Variants in AKAP10 observed in about 807,000 individuals in gnomAD.
AKAP10 encodes the protein A-kinase anchoring protein 10, also known as A-kinase anchor protein 10, mitochondrial.
Under a neutral mutation model 80.8 loss-of-function variants are expected in AKAP10, and 24 were observed. That is an observed-to-expected ratio of 0.30 (90% CI 0.22 to 0.42). The LOEUF is 0.42. Ranked by LOEUF, AKAP10 falls within the 10% of genes least tolerant of loss-of-function variation. The pLI is 1.00. For missense variants in AKAP10, 661 were observed against 794.9 expected (o/e 0.83, Z 2.03); for synonymous variants, 291 against 277.7 (o/e 1.05, Z -0.48).
chr17:19,924,528 A>G lies in AKAP10; in HGVS notation c.1642-11T>C, dbSNP rs2042854533. ...TTTTTTCACACTGGACTACAATAGAAATTGTAAAATTAGAAGTATATGAAA... is the reference window on the plus strand; with the variant it reads ...TTTTTTCACACTGGACTACAATAGAGATTGTAAAATTAGAAGTATATGAAA... On this transcript the variant is annotated splice_polypyrimidine_tract_variant and intron_variant, in intron 10 of 14. Transcript: ENST00000225737. The G allele has an allele frequency of 6.5e-7, 1 of 1,536,706 alleles. No homozygotes were observed. Among genetic ancestry groups the G allele is most frequent in the Non-Finnish European group, 8.9e-7 (1 of 1,120,596 alleles).
chr17:19,975,430 A>C (rs1489299500), intron 1 of AKAP10, among the ~76,000 whole-genome samples: 1 of 152,082 alleles, frequency 6.6e-6, no homozygotes, highest in Non-Finnish European at 1.5e-5. Flanking sequence ...CTTGAAGGGC[A>C]CCATGCTCTT....
At chr17:19,910,325 C>CAAAA (rs3031068) in intron 12 of AKAP10, among the ~76,000 whole-genome samples, 1 of 90,666 alleles carries the variant, frequency 1.1e-5, no homozygotes, top group African/African-American at 4.2e-5. Flanking sequence ...GACTCCAACT[C>CAAAA]AAAAAAAAAA....
At chr17:19,910,339 A>AAAAAAAAAAAAAC (rs1425341451) in intron 12 of AKAP10, among the ~76,000 whole-genome samples, 1 of 151,506 alleles carries the variant, frequency 6.6e-6, no homozygotes, top group African/African-American at 2.4e-5. Flanking sequence ...AAAAAAAAAA[A>AAAAAAAAAAAAAC]AAACCACTAT....
rs1206194530 is a variant in AKAP10, at chr17:19,963,042, T to C, written c.137-20A>G. The C allele has an allele frequency of 1.9e-6, 3 of 1,582,838 alleles. No homozygotes were observed. Among genetic ancestry groups the C allele is most frequent in the Non-Finnish European group, 2.6e-6 (3 of 1,157,544 alleles). On this transcript the variant is annotated intron_variant, in intron 2 of 14. Transcript: ENST00000225737. ...TTGAAGCTATAATTTTTCAAAAAATTGTTAAGAATTAAACACAATTTGATA... is the reference window on the plus strand; with the variant it reads ...TTGAAGCTATAATTTTTCAAAAAATCGTTAAGAATTAAACACAATTTGATA...
chr17:19,904,899 G>A lies in AKAP10; in HGVS notation c.*1328C>T, dbSNP rs2042616415. ...CCAAAAACTTACACAAAGCCTTTTTGCTTCTTCTGTCGATGAAACAGTGTG... is the reference window on the plus strand; with the variant it reads ...CCAAAAACTTACACAAAGCCTTTTTACTTCTTCTGTCGATGAAACAGTGTG... On this transcript the variant is annotated 3_prime_UTR_variant, in exon 15 of 15. Coordinates refer to ENST00000225737, the MANE Select transcript of AKAP10 (RefSeq NM_007202.4). 1 of 151,762 alleles carries A rather than the reference G, an allele frequency of 6.6e-6. No individual in the cohort carries two copies. Among genetic ancestry groups the A allele is most frequent in the East Asian group, 1.9e-4 (1 of 5,196 alleles). 9.4% of individuals were successfully genotyped at this position (151,762 alleles called of 1,614,324 possible).
At chr17:19,911,822 C>A (rs1047864611) in intron 12 of AKAP10, among the ~76,000 whole-genome samples, 1 of 53,800 alleles carries the variant, frequency 1.9e-5, no homozygotes, top group Non-Finnish European at 3.9e-5. Context: ...GCAACAAGAG[C>A]AAAACTCTGT....
At chr17:19,920,874 AAAAAAAAAAAAG>A (rs2042804248) in intron 11 of AKAP10, among the ~76,000 whole-genome samples, 1 of 149,096 alleles carries the variant, frequency 6.7e-6, no homozygotes, top group African/African-American at 2.5e-5. Flanking sequence ...AAAAAAAAAA[AAAAAAAAAAAAG>A]CAAAAAATAC....
intron 6 of AKAP10, 72 bp downstream of exon 6, chr17:19,941,754 G>T: frequency 1.8e-6 from 2 of 1,134,832 alleles, no homozygotes; most frequent in South Asian, 2.3e-5. Context: ...GTTTTTAGCT[G>T]AGTGAAGCCC....
At chr17:19,946,267 ATATATATATTTTTTTT>A (rs2043125838) in intron 5 of AKAP10, among the ~76,000 whole-genome samples, 2 of 27,070 alleles carry the variant, frequency 7.4e-5, no homozygotes, top group African/African-American at 3.3e-4. Flanking sequence ...ATATATATAT[ATATATATATTTTTTTT>A]TTTTTTTTTT....
chr17:19,975,253 A>G (rs1379588203), intron 1 of AKAP10, among the ~76,000 whole-genome samples: 2 of 152,178 alleles, frequency 1.3e-5, no homozygotes, highest in Non-Finnish European at 2.9e-5. Flanking sequence ...TCCTGGGTTC[A>G]AGCTATATTC....
intron 8 of AKAP10, among the ~76,000 whole-genome samples, chr17:19,938,336 G>A (rs138020532): frequency 0.01 from 1,544 of 150,642 alleles, 14 homozygotes; most frequent in South Asian, 0.025. Context: ...TCCCGGGCTC[G>A]AGCAATTCTC....
rs754099297 is a variant in AKAP10, at chr17:19,950,800, CG to C, written c.878-3296del. ...CTGGGATGTGAGGAGCCCCTCTGAC[CG>C]GCCGCCCCGTCTGGGAAGTGAGGAG... On this transcript the variant is annotated intron_variant, in intron 4 of 14. Coordinates refer to ENST00000225737, the MANE Select transcript of AKAP10 (RefSeq NM_007202.4). Among the ~76,000 whole-genome samples the C allele has an allele frequency of 3.3e-3, 498 of 152,044 alleles. 3 individuals carry two copies. The highest frequency in any genetic ancestry group is 0.011 in the African/African-American group (469 of 41,484).
At chr17:19,975,984 G>T (rs2043560774) in intron 1 of AKAP10, among the ~76,000 whole-genome samples, 1 of 152,156 alleles carries the variant, frequency 6.6e-6, no homozygotes, top group South Asian at 2.1e-4. Context: ...GCACTTTCAT[G>T]CATTCATCAC....
chr17:19,946,220 T>A (rs1178478694), intron 5 of AKAP10, among the ~76,000 whole-genome samples: 10 of 36,626 alleles, frequency 2.7e-4, no homozygotes, highest in African/African-American at 9.8e-4. Flanking sequence ...TATATATATA[T>A]TTTATATATA....
chr17:19,931,724 A>C (rs185972095), intron 10 of AKAP10, 81 bp downstream of exon 10: 1 of 1,448,660 alleles, frequency 6.9e-7, no homozygotes, highest in African/African-American at 1.4e-5. Flanking sequence ...AAAATTTACA[A>C]ATAATAGGAT....
chr17:19,944,653 A>AAAAC (rs757662607), intron 5 of AKAP10, among the ~76,000 whole-genome samples: 11 of 152,294 alleles, frequency 7.2e-5, no homozygotes, highest in South Asian at 2.1e-4. Context: ...CTCCGTCTCA[A>AAAAC]AAACAAACAA....
chr17:19,972,967 G>A (rs1445663754), intron 1 of AKAP10, among the ~76,000 whole-genome samples: 1 of 151,914 alleles, frequency 6.6e-6, no homozygotes, highest in Non-Finnish European at 1.5e-5. Context: ...TACAGCCCAT[G>A]GGCCAAATAC....
chr17:19,975,459 G>A (rs1401334658), intron 1 of AKAP10, among the ~76,000 whole-genome samples: 4 of 152,076 alleles, frequency 2.6e-5, no homozygotes, highest in Non-Finnish European at 5.9e-5. Context: ...CCTGGCCTTT[G>A]AACATGCGAT....
chr17:19,946,256 T>A (rs1217909832), intron 5 of AKAP10, among the ~76,000 whole-genome samples: 3 of 23,630 alleles, frequency 1.3e-4, no homozygotes, highest in African/African-American at 1.8e-4. Context: ...TATATATATA[T>A]ATATATATAT....
Sources: gnomAD v4.1 joint callset for allele counts (sites outside exome capture counted in the v4.1 genomes callset) on GRCh38, gnomAD v4.1.1 for gene constraint, MANE v1.5 for transcripts, NCBI Gene and HGNC (gene_info 2026-07-23, HGNC 2026-07-21) for gene names.